Variants in TMBIM4 observed in about 807,000 individuals in gnomAD.
TMBIM4 encodes the protein transmembrane BAX inhibitor motif containing 4, also known as protein lifeguard 4.
A neutral mutation model predicts 27.7 loss-of-function variants in TMBIM4; 28 were observed. The observed-to-expected ratio is 1.01, with a 90% CI of 0.75 to 1.38. TMBIM4 has a LOEUF of 1.38. TMBIM4 is among the 40% of genes most tolerant of loss of function. The pLI is 0.00. For synonymous variants in TMBIM4, 115 were observed against 113.1 expected (o/e 1.02, Z -0.11); for missense variants, 265 against 277.5 (o/e 0.95, Z 0.32).
At chr12:66,158,511 T>G (rs887019612) in intron 1 of TMBIM4, among the ~76,000 whole-genome samples, 3 of 151,684 alleles carry the variant, frequency 2.0e-5, no homozygotes, top group African/African-American at 7.3e-5. Context: ...TGGTGGCATG[T>G]GCCTGTAATC....
In TMBIM4 at chr12:66,137,798, A is replaced by G. The variant is rs1489704911; in HGVS notation, c.*162T>C. On this transcript the variant is annotated 3_prime_UTR_variant, in exon 7 of 7. Coordinates refer to ENST00000358230, the MANE Select transcript of TMBIM4 (RefSeq NM_016056.4). ...GAATAGTAAGATTTTAAAGCTCTCA[A>G]AATTACATATGATACAAATAAAGAT... 4.9e-6 allele frequency: 3 copies of G among 610,860 alleles called. No individual in the cohort carries two copies. In the East Asian group the frequency reaches 8.6e-5, roughly 17 times the overall value. 37.8% of individuals were successfully genotyped at this position (610,860 alleles called of 1,614,324 possible). A position where few individuals can be genotyped will look rare whatever the true frequency, so the allele number is the denominator to read the frequency against.
intron 1 of TMBIM4, among the ~76,000 whole-genome samples, chr12:66,157,146 T>A (rs1343559081): frequency 1.3e-5 from 2 of 152,184 alleles, no homozygotes; most frequent in Non-Finnish European, 2.9e-5. Flanking sequence ...ATCTTAAGAT[T>A]TTTTTTAGAT....
intron 1 of TMBIM4, chr12:66,161,044 G>A (rs12821415): frequency 7.5e-3 from 1,105 of 146,820 alleles, no homozygotes; most frequent in East Asian, 0.044. Context: ...TCAGTTGGAC[G>A]GCCGGGCAGA....
At chr12:66,156,678 C>T (rs536488994) in intron 1 of TMBIM4, among the ~76,000 whole-genome samples, 2 of 152,202 alleles carry the variant, frequency 1.3e-5, no homozygotes, top group Non-Finnish European at 2.9e-5. Context: ...CCTACAAGGT[C>T]CCACATGATG....
At chr12:66,146,565 T>G (rs936977123) in intron 4 of TMBIM4, among the ~76,000 whole-genome samples, 2 of 152,200 alleles carry the variant, frequency 1.3e-5, no homozygotes, top group African/African-American at 2.4e-5. Flanking sequence ...GTACATTATT[T>G]TGGGGTTTAC....
chr12:66,157,908 G>A (rs544762007), intron 1 of TMBIM4, among the ~76,000 whole-genome samples: 1 of 152,094 alleles, frequency 6.6e-6, no homozygotes, highest in Non-Finnish European at 1.5e-5. Flanking sequence ...TAAAATAGAA[G>A]AGATACACAG....
At chr12:66,138,944 T>A (rs925809236) in intron 5 of TMBIM4, 175 bp from the exon 6 acceptor site, 2 of 954,498 alleles carry the variant, frequency 2.1e-6, no homozygotes, top group Non-Finnish European at 2.8e-6. Flanking sequence ...ATCTTTTTTT[T>A]AAAGAAATTG....
chr12:66,141,043 A>G (rs551107727), intron 5 of TMBIM4, among the ~76,000 whole-genome samples: 1 of 152,264 alleles, frequency 6.6e-6, no homozygotes, highest in East Asian at 1.9e-4. Flanking sequence ...AGCAAAAATA[A>G]CTTTCAAAAA....
chr12:66,153,883 C>G (rs930596016), intron 1 of TMBIM4, among the ~76,000 whole-genome samples: 2 of 151,940 alleles, frequency 1.3e-5, no homozygotes, highest in Non-Finnish European at 2.9e-5. Context: ...AAAACTATTT[C>G]CCCCAAATGA....
At chr12:66,153,199 A>C (rs1285760448) in intron 2 of TMBIM4, 141 bp downstream of exon 2, 2 of 541,708 alleles carry the variant, frequency 3.7e-6, no homozygotes, top group Admixed American at 8.0e-5. Context: ...AAACAAAACT[A>C]ATCAGGCTTA....
At chr12:66,168,944 A>T (rs576789135) in intron 1 of TMBIM4, 76 of 203,654 alleles carry the variant, frequency 3.7e-4, no homozygotes, top group African/African-American at 1.6e-3. Context: ...ATTTTTTTTA[A>T]AAAAAAGCTG....
intron 6 of TMBIM4, 21 bp downstream of exon 6, chr12:66,138,703 A>T: frequency 6.5e-7 from 1 of 1,527,380 alleles, no homozygotes; most frequent in Non-Finnish European, 8.8e-7. Flanking sequence ...ATTTCAAATT[A>T]ACCATTATAA....
chr12:66,153,207 T>A, intron 2 of TMBIM4, 133 bp downstream of exon 2: 1 of 603,690 alleles, frequency 1.7e-6, no homozygotes, highest in East Asian at 3.3e-5. Flanking sequence ...CTAATCAGGC[T>A]TATAAGAGTA....
At chr12:66,161,156 G>T (rs1408817450) in intron 1 of TMBIM4, 1 of 151,350 alleles carries the variant, frequency 6.6e-6, no homozygotes, top group African/African-American at 2.4e-5. Flanking sequence ...ATGATTTGTT[G>T]TTTTCCACCA....
At chr12:66,164,871 A>G (rs2052099673) in intron 1 of TMBIM4, among the ~76,000 whole-genome samples, 1 of 152,216 alleles carries the variant, frequency 6.6e-6, no homozygotes, top group Admixed American at 6.5e-5. Flanking sequence ...GAATAAATGA[A>G]TTCAGCAAAG....
chr12:66,160,285 A>C, intron 1 of TMBIM4: 1 of 702,580 alleles, frequency 1.4e-6, no homozygotes. Flanking sequence ...TGTTTGCTGA[A>C]GGTACAATCT....
chr12:66,152,745 G>T (rs972547350), intron 2 of TMBIM4, among the ~76,000 whole-genome samples: 1 of 152,012 alleles, frequency 6.6e-6, no homozygotes, highest in African/African-American at 2.4e-5. Context: ...TTAAATTAAA[G>T]AATTTTACCT....
intron 4 of TMBIM4, among the ~76,000 whole-genome samples, chr12:66,147,488 T>C (rs565855412): frequency 6.6e-6 from 1 of 152,334 alleles, no homozygotes; most frequent in South Asian, 2.1e-4. Flanking sequence ...TGCCATTTGA[T>C]AAAATATGAG....
chr12:66,139,554 G>A (rs1316612933), intron 5 of TMBIM4: 1 of 453,582 alleles, frequency 2.2e-6, no homozygotes, highest in South Asian at 1.6e-5. Context: ...AGGCCAGCGT[G>A]TAGGGATAAG....
Sources: allele counts gnomAD v4.1 joint callset (sites outside exome capture counted in the v4.1 genomes callset), GRCh38; gene constraint gnomAD v4.1.1; transcripts MANE v1.5; gene names NCBI Gene and HGNC (gene_info 2026-07-23, HGNC 2026-07-21).